TBC1D15: variants seen among roughly 807,000 people sequenced by gnomAD.
The protein encoded by TBC1D15 is TBC1 domain family member 15, also known as GAP for RAB7.
In TBC1D15, 39 loss-of-function variants were observed where a neutral mutation model predicts 95.4. That is an observed-to-expected ratio of 0.41 (90% confidence interval 0.32 to 0.53). The LOEUF is 0.53. Ranked by LOEUF, TBC1D15 falls within the 20% of genes least tolerant of loss-of-function variation. TBC1D15 has a pLI of 0.29. For missense variants in TBC1D15, 733 were observed against 794.3 expected (o/e 0.92, Z 0.93); for synonymous variants, 258 against 261.3 (o/e 0.99, Z 0.12).
intron 14 of TBC1D15, among the ~76,000 whole-genome samples, chr12:71,919,742 G>A (rs1019059170): frequency 6.6e-6 from 1 of 152,138 alleles, no homozygotes; most frequent in African/African-American, 2.4e-5. Flanking sequence ...TTATTGGAAC[G>A]CTAAGCATGT....
chr12:71,839,786 C>T lies in TBC1D15; in HGVS notation c.5C>T (p.Ala2Val). 2 of 1,614,078 alleles carry T rather than the reference C, an allele frequency of 1.2e-6. No individual in the cohort carries two copies. The highest frequency in any genetic ancestry group is 1.7e-6 in the Non-Finnish European group (2 of 1,179,972). ...TACCAGGCACGCGCAGGAAACATGG[C>T]GGCGGCGGGTGTTGTGAGCGGGAAG... M[A>V]AAGVVSGKII... Residue 2 changes from alanine (A) to valine (V), a missense_variant, in exon 1 of 17, where the codon GCG (alanine) becomes GTG (valine). By Grantham distance (64) the Ala-to-Val change is moderately conservative. Coordinates refer to ENST00000485960, the MANE Select transcript of TBC1D15 (RefSeq NM_001146213.3).
At position 71,923,156 on chromosome 12, in the gene TBC1D15, A is replaced by G. The variant is rs2139146204; in HGVS notation, c.1977A>G (p.Pro659=). The G allele has an allele frequency of 5.0e-6, 8 of 1,614,204 alleles. No homozygotes were observed. The highest frequency in any genetic ancestry group is 1.6e-4 in the Middle Eastern group (1 of 6,062). The stretch of plus-strand genomic sequence containing the variant: ...CCAGTGGAGCCAGAAATGACAGCCC[A>G]ACACAGATACCAGTGTCCTCAGATG... ...LSASGARNDS[P]TQIPVSSDVC... The change falls in exon 17 of 17, where the codon CCA becomes CCG. Residue 659 remains proline, a synonymous_variant. Transcript: ENST00000485960.
At position 71,852,449 on chromosome 12, in the gene TBC1D15, G is replaced by A. The variant is rs553150748; in HGVS notation, c.30+12638G>A. 9.2e-5 allele frequency among the ~76,000 whole-genome samples: 14 copies of A among 152,336 alleles called. No individual in the cohort carries two copies. In the South Asian group the frequency reaches 2.9e-3, roughly 32 times the overall value. ...GTAGTTATGCAAATTTCTGCGGTGA[G>A]TTTGAATTCCTCTCCTGAAAATGGG... On this transcript the variant is annotated intron_variant, in intron 1 of 16. Coordinates refer to ENST00000485960, the MANE Select transcript of TBC1D15 (RefSeq NM_001146213.3).
At position 71,913,676 on chromosome 12, in the gene TBC1D15, ATTCTT is replaced by A. The variant is rs1439811378; in HGVS notation, c.1301-144_1301-140del. On this transcript the variant is annotated intron_variant, in intron 11 of 16. Transcript: ENST00000485960. ...ACTAGAGTTCCTCCTCTTCATTTAT[ATTCTT>A]TTCTTGGTGAACATCAGTGTCTACC... The A allele has an allele frequency of 2.5e-5, 14 of 567,924 alleles. No individual in the cohort carries two copies. The East Asian group carries it at 3.2e-4, about 13-fold the overall frequency. 35.2% of individuals were successfully genotyped at this position (567,924 alleles called of 1,614,324 possible).
Position 71,895,989 on chromosome 12 carries a change from G to T in TBC1D15, c.898G>T (p.Val300Leu), listed in dbSNP as rs776097424. The change falls in exon 8 of 17, where the codon GTA (valine) becomes TTA (leucine). Residue 300 changes from valine to leucine, a missense_variant. Physicochemically the swap from Val to Leu is conservative, Grantham distance 32. Coordinates refer to ENST00000485960, the MANE Select transcript of TBC1D15 (RefSeq NM_001146213.3). ...CCCTGTTGTTCAAAGGAGAGAACCG[G>T]TATCACTGGAAGAATGGACTAAGAA... The part of the protein sequence containing the change: ...ERPVVQRREP[V>L]SLEEWTKNID... 1 of 1,612,722 alleles carries T rather than the reference G, an allele frequency of 6.2e-7. No homozygotes were observed. Among genetic ancestry groups the T allele is most frequent in the Non-Finnish European group, 8.5e-7 (1 of 1,179,084 alleles).
chr12:71,912,568 T>C (rs1902654201), intron 11 of TBC1D15, among the ~76,000 whole-genome samples: 1 of 152,126 alleles, frequency 6.6e-6, no homozygotes, highest in African/African-American at 2.4e-5. Flanking sequence ...TCAAGAGATT[T>C]AGTTTACCTG....
intron 1 of TBC1D15, chr12:71,854,938 A>G (rs1045555951): frequency 6.8e-6 from 3 of 439,584 alleles, no homozygotes; most frequent in East Asian, 7.0e-5. Context: ...TTTAGATCCT[A>G]TTTAAGACTT....
intron 3 of TBC1D15, among the ~76,000 whole-genome samples, chr12:71,874,721 C>A (rs1241298634): frequency 2.8e-5 from 4 of 143,364 alleles, no homozygotes; most frequent in Non-Finnish European, 4.5e-5. Context: ...CTCCCAGGTT[C>A]AAACAATTCT....
chr12:71,870,612 C>A (rs1892465030), intron 1 of TBC1D15, among the ~76,000 whole-genome samples: 1 of 152,176 alleles, frequency 6.6e-6, no homozygotes, highest in Non-Finnish European at 1.5e-5. Context: ...AATGTAGTGG[C>A]TAAGAGCGCA....
chr12:71,907,820 G>A (rs1901131424), intron 11 of TBC1D15: 1 of 152,122 alleles, frequency 6.6e-6, no homozygotes, highest in Admixed American at 6.5e-5. Flanking sequence ...AATTTTGTAG[G>A]GCATGTAGAA....
At chr12:71,879,323 C>T (rs1403782298) in intron 3 of TBC1D15, among the ~76,000 whole-genome samples, 1 of 151,914 alleles carries the variant, frequency 6.6e-6, no homozygotes, top group African/African-American at 2.4e-5. Context: ...TTTGTAGAGA[C>T]GGAGTTTTAC....
intron 5 of TBC1D15, among the ~76,000 whole-genome samples, chr12:71,887,926 A>T (rs749650011): frequency 6.6e-6 from 1 of 152,220 alleles, no homozygotes; most frequent in African/African-American, 2.4e-5. Flanking sequence ...ATGATTATCA[A>T]TTTGACAAAT....
intron 1 of TBC1D15, chr12:71,849,121 A>G (rs1396590863): frequency 2.3e-5 from 5 of 221,852 alleles, no homozygotes; most frequent in South Asian, 1.4e-4. Context: ...GTCTGACTCC[A>G]TACAAGAAAA....
chr12:71,889,490 A>G (rs1460781865), intron 5 of TBC1D15, among the ~76,000 whole-genome samples: 3 of 152,308 alleles, frequency 2.0e-5, no homozygotes, highest in East Asian at 3.9e-4. Flanking sequence ...ATATTATGCC[A>G]TGTAGCTCAC....
chr12:71,855,667 CAAAAAAAAAAAAAAA>C (rs1161851924), intron 1 of TBC1D15, among the ~76,000 whole-genome samples: 3 of 41,358 alleles, frequency 7.3e-5, no homozygotes, highest in Admixed American at 6.4e-4. Context: ...GACTCCATCT[CAAAAAAAAAAAAAAA>C]AAAAAAAAAA....
At chr12:71,854,934 T>A in intron 1 of TBC1D15, 1 of 448,798 alleles carries the variant, frequency 2.2e-6, no homozygotes, top group Non-Finnish European at 4.5e-6. Flanking sequence ...TTGATTTAGA[T>A]CCTATTTAAG....
chr12:71,869,627 A>T (rs1892241981), intron 1 of TBC1D15, among the ~76,000 whole-genome samples: 1 of 152,244 alleles, frequency 6.6e-6, no homozygotes, highest in African/African-American at 2.4e-5. Flanking sequence ...AGGTCAAAGG[A>T]TAGAAAATAG....
chr12:71,875,316 G>T (rs975543597), intron 3 of TBC1D15, among the ~76,000 whole-genome samples: 2 of 152,116 alleles, frequency 1.3e-5, no homozygotes, highest in Admixed American at 1.3e-4. Context: ...ATTTTTTCCC[G>T]TATGGTGGAC....
intron 7 of TBC1D15, 32 bp downstream of exon 7, chr12:71,894,915 A>G (rs1272185629): frequency 6.4e-7 from 1 of 1,573,442 alleles, no homozygotes; most frequent in East Asian, 2.2e-5. Flanking sequence ...TATAGCTCTT[A>G]TATTTTAACA....
Sources: allele counts gnomAD v4.1 joint callset (sites outside exome capture counted in the v4.1 genomes callset), GRCh38; gene constraint gnomAD v4.1.1; transcripts MANE v1.5; gene names NCBI Gene and HGNC (gene_info 2026-07-23, HGNC 2026-07-21).